EVA1C: variants seen among roughly 807,000 people sequenced by gnomAD.
EVA1C encodes eva-1 homolog C, also known as protein eva-1 homolog C.
A neutral mutation model predicts 45.4 loss-of-function variants in EVA1C; 25 were observed. That is an observed-to-expected ratio of 0.55 (90% CI 0.40 to 0.77). The LOEUF is 0.77. Among genes scored for constraint, EVA1C ranks in the 30% least tolerant of loss-of-function variants. The pLI is 0.00. For missense variants in EVA1C, 479 were observed against 554.8 expected (o/e 0.86, Z 1.37); for synonymous variants, 190 against 221.2 (o/e 0.86, Z 1.25).
In EVA1C at chr21:32,447,532, C is replaced by CT. The variant is rs34802666; in HGVS notation, c.161-5768dup. The stretch of plus-strand genomic sequence containing the variant: ...CATCAGTTCTTACAGCTATGTTTCT[C>CT]TTTTTTTTTTTTGATAACTTAATCA... On this transcript the variant is annotated intron_variant, in intron 1 of 7. Transcript: ENST00000300255. Among the ~76,000 whole-genome samples, 608 of 147,468 alleles carry CT rather than the reference C, an allele frequency of 4.1e-3. 4 individuals are homozygous for CT. Among genetic ancestry groups the CT allele is most frequent in the African/African-American group, 0.012 (501 of 40,128 alleles).
chr21:32,489,407 G>GTA (rs2037081022), intron 4 of EVA1C, among the ~76,000 whole-genome samples: 1 of 152,084 alleles, frequency 6.6e-6, no homozygotes, highest in African/African-American at 2.4e-5. Flanking sequence ...TTAGTTGATG[G>GTA]TATATCCTTG....
intron 7 of EVA1C, among the ~76,000 whole-genome samples, chr21:32,504,648 A>G (rs2037664416): frequency 6.6e-6 from 1 of 152,230 alleles, no homozygotes. Flanking sequence ...TTGGAATGCC[A>G]TCTGCAAGTT....
chr21:32,495,357 G>C (rs1269542678), intron 5 of EVA1C, among the ~76,000 whole-genome samples, 187 bp downstream of exon 5: 3 of 152,024 alleles, frequency 2.0e-5, no homozygotes, highest in Admixed American at 6.6e-5. Flanking sequence ...ATTCATGTCA[G>C]ATAAGCAATA....
At chr21:32,425,150 A>AAAACAAACAAACAAACAAAC (rs56144507) in intron 1 of EVA1C, among the ~76,000 whole-genome samples, 2 of 148,950 alleles carry the variant, frequency 1.3e-5, no homozygotes, top group South Asian at 2.2e-4. Context: ...ATCTCTACTA[A>AAAACAAACAAACAAACAAAC]AAACAAACAA....
intron 1 of EVA1C, among the ~76,000 whole-genome samples, chr21:32,426,410 G>A (rs892733137): frequency 4.0e-5 from 6 of 151,836 alleles, no homozygotes; most frequent in Admixed American, 2.0e-4. Context: ...AGAAAGTCAC[G>A]AAGATAGTGC....
chr21:32,489,959 G>A lies in EVA1C; in HGVS notation c.635-5068G>A, dbSNP rs1040245101. Among the ~76,000 whole-genome samples, 3 of 151,952 alleles carry A rather than the reference G, an allele frequency of 2.0e-5. No homozygotes were observed. In the South Asian group the frequency reaches 6.2e-4, roughly 32 times the overall value. On this transcript the variant is annotated intron_variant, in intron 4 of 7. Transcript: ENST00000300255. ...TGGGATTACAGGCGTGTGCCACCGC[G>A]CCTGGCTAATTTTTGTATTTTTTTA... is the stretch of plus-strand genomic sequence containing the variant.
At chr21:32,507,541 C>T (rs1420298804) in intron 7 of EVA1C, among the ~76,000 whole-genome samples, 10 of 106,900 alleles carry the variant, frequency 9.4e-5, no homozygotes, top group Admixed American at 1.9e-4. Flanking sequence ...TGCATGTGTG[C>T]GTCTGTATGT....
At chr21:32,502,204 T>G (rs2037582616) in intron 6 of EVA1C, among the ~76,000 whole-genome samples, 1 of 151,990 alleles carries the variant, frequency 6.6e-6, no homozygotes, top group Non-Finnish European at 1.5e-5. Flanking sequence ...GTTCAAGCGA[T>G]TCTCCTGCCT....
In EVA1C at chr21:32,473,507, G is replaced by C. The variant is rs929760557; in HGVS notation, c.634+5659G>C. Among the ~76,000 whole-genome samples the C allele has an allele frequency of 3.6e-4, 54 of 152,086 alleles. 2 individuals are homozygous for C. Among genetic ancestry groups the C allele is most frequent in the Non-Finnish European group, 1.0e-4 (7 of 68,030 alleles). ...ACCTCCCGTCTCCTACCCGCTATCC[G>C]TCCCTCCCTTCAGTCCCATGGGCAG... is the stretch of plus-strand genomic sequence containing the variant. On this transcript the variant is annotated intron_variant, in intron 4 of 7. Coordinates refer to ENST00000300255, the MANE Select transcript of EVA1C (RefSeq NM_058187.5).
chr21:32,417,523 T>C (rs4816433), intron 1 of EVA1C, among the ~76,000 whole-genome samples: 35,281 of 152,126 alleles, frequency 0.23, 6,638 homozygotes, highest in African/African-American at 0.51. Context: ...TATCATAGTC[T>C]GAAGTGCTAG....
intron 1 of EVA1C, among the ~76,000 whole-genome samples, chr21:32,434,121 CTGTCTCTACTAAAAATACAAAAAAA>C (rs1361575256): frequency 1.3e-5 from 2 of 151,836 alleles, no homozygotes; most frequent in Admixed American, 6.6e-5. Context: ...ATGGTGAAAA[CTGTCTCTACTAAAAATACAAAAAAA>C]TTAGCTGGGC....
intron 7 of EVA1C, among the ~76,000 whole-genome samples, chr21:32,507,508 CTG>C (rs1304456322): frequency 6.4e-5 from 9 of 141,378 alleles, no homozygotes; most frequent in African/African-American, 1.1e-4. Context: ...GTGTCTGTAT[CTG>C]TGTGCATGTG....
In EVA1C at chr21:32,515,215, C is replaced by T. The variant is rs376056990; in HGVS notation, c.*25C>T. Reference sequence around the variant, plus strand: ...AAAACCACATGCATCTTGATGCGATCGCACTTTCTGAAGAAGGAAGGATCC... The same window carrying T: ...AAAACCACATGCATCTTGATGCGATTGCACTTTCTGAAGAAGGAAGGATCC... On this transcript the variant is annotated 3_prime_UTR_variant, in exon 8 of 8. Transcript: ENST00000300255. 95 of 1,536,298 alleles carry T rather than the reference C, an allele frequency of 6.2e-5. No homozygotes were observed. In the African/African-American group the frequency reaches 1.0e-3, roughly 17 times the overall value.
intron 5 of EVA1C, 85 bp downstream of exon 5, chr21:32,495,255 C>T: frequency 1.4e-6 from 2 of 1,434,910 alleles, no homozygotes; most frequent in South Asian, 2.6e-5. Flanking sequence ...AGGAGTTTGC[C>T]CAGAACAAGC....
intron 3 of EVA1C, among the ~76,000 whole-genome samples, chr21:32,463,583 T>C (rs1213627610): frequency 3.3e-5 from 5 of 152,192 alleles, no homozygotes; most frequent in African/African-American, 9.7e-5. Flanking sequence ...TTGCCCATAA[T>C]CTGGGGACGA....
At chr21:32,491,353 G>A (rs1474545030) in intron 4 of EVA1C, among the ~76,000 whole-genome samples, 1 of 152,034 alleles carries the variant, frequency 6.6e-6, no homozygotes, top group East Asian at 1.9e-4. Flanking sequence ...GGTCAGATGG[G>A]GGGTTGGGGA....
At chr21:32,440,551 A>G (rs2035136507) in intron 1 of EVA1C, among the ~76,000 whole-genome samples, 1 of 152,220 alleles carries the variant, frequency 6.6e-6, no homozygotes, top group African/African-American at 2.4e-5. Flanking sequence ...TAAGGATTGT[A>G]ATACAAGACC....
chr21:32,458,466 A>G (rs1254574990), intron 3 of EVA1C, among the ~76,000 whole-genome samples: 1 of 151,560 alleles, frequency 6.6e-6, no homozygotes. Context: ...TAACCAAAAA[A>G]ATGAGAAGTT....
At chr21:32,501,138 A>T (rs1448483248) in intron 5 of EVA1C, among the ~76,000 whole-genome samples, 2 of 152,090 alleles carry the variant, frequency 1.3e-5, no homozygotes, top group Non-Finnish European at 2.9e-5. Flanking sequence ...TATGAGGTGT[A>T]TTCTGCTAGA....
Sources: allele counts gnomAD v4.1 joint callset (sites outside exome capture counted in the v4.1 genomes callset), GRCh38; gene constraint gnomAD v4.1.1; transcripts MANE v1.5; gene names NCBI Gene and HGNC (gene_info 2026-07-23, HGNC 2026-07-21).